The following RSPH9 variants were observed in gnomAD, a reference collection of about 807,000 sequenced individuals.
The protein encoded by RSPH9 is radial spoke head component 9.
RSPH9 carries 27 observed loss-of-function variants against 27.0 expected under a neutral mutation model. That is an observed-to-expected ratio of 1.00 (90% CI 0.74 to 1.38). The LOEUF is 1.38. Among genes scored for constraint, RSPH9 ranks in the 40% most tolerant of loss-of-function variants. RSPH9 has a pLI of 0.00. For synonymous variants in RSPH9, 145 were observed against 147.7 expected (o/e 0.98, Z 0.13); for missense variants, 347 against 357.4 (o/e 0.97, Z 0.24).
At chr6:43,656,275 G>A (rs1375172623) in intron 3 of RSPH9, among the ~76,000 whole-genome samples, 2 of 152,044 alleles carry the variant, frequency 1.3e-5, no homozygotes, top group African/African-American at 2.4e-5. Flanking sequence ...TAGTAGAGAC[G>A]GGGTTTTGCC....
chr6:43,672,501 CT>C lies in RSPH9; in HGVS notation c.*1555del. 2.2e-6 allele frequency: 1 copy of C among 462,668 alleles called. No homozygotes were observed. Among genetic ancestry groups the C allele is most frequent in the South Asian group, 1.6e-5 (1 of 64,204 alleles). 28.7% of individuals were successfully genotyped at this position (462,668 alleles called of 1,614,324 possible). A position where few individuals can be genotyped will look rare whatever the true frequency, so the allele number is the denominator to read the frequency against. On this transcript the variant is annotated 3_prime_UTR_variant, in exon 5 of 5. Coordinates refer to ENST00000372163, the MANE Select transcript of RSPH9 (RefSeq NM_152732.5). ...CTGCCGCCCATGGACCTTTGGCCTC[CT>C]TTGGGGATGGCCAGGGCCCTGATAG... is the stretch of plus-strand genomic sequence containing the variant.
chr6:43,670,426 G>T, intron 4 of RSPH9, among the ~76,000 whole-genome samples: 1 of 152,008 alleles, frequency 6.6e-6, no homozygotes, highest in Non-Finnish European at 1.5e-5. Context: ...ACACAGTGAG[G>T]CCCCATCTCT....
intron 4 of RSPH9, among the ~76,000 whole-genome samples, chr6:43,662,258 T>A (rs1772705363): frequency 6.6e-6 from 1 of 152,236 alleles, no homozygotes; most frequent in South Asian, 2.1e-4. Flanking sequence ...TGAAGAGAGT[T>A]AAGGCCTTGC....
At chr6:43,662,647 G>A (rs964727237) in intron 4 of RSPH9, among the ~76,000 whole-genome samples, 5 of 152,042 alleles carry the variant, frequency 3.3e-5, no homozygotes, top group Admixed American at 6.5e-5. Flanking sequence ...GATTACAGGC[G>A]TGAGCCACCA....
intron 4 of RSPH9, among the ~76,000 whole-genome samples, chr6:43,670,198 C>G (rs148846143): frequency 7.9e-4 from 121 of 152,366 alleles, no homozygotes; most frequent in East Asian, 4.0e-3. Context: ...CCTCCTCCCC[C>G]ACTCAACCTT....
rs1773674621 is a variant in RSPH9, at chr6:43,671,138, T to C, written c.*189T>C. 3.0e-6 allele frequency: 2 copies of C among 669,018 alleles called. No homozygotes were observed. The highest frequency in any genetic ancestry group is 5.1e-6 in the Non-Finnish European group (2 of 391,566). 41.4% of individuals were successfully genotyped at this position (669,018 alleles called of 1,614,324 possible). ...TGGCAGAGGGGTTGGAATGTGCTAA[T>C]GAAAGAGATTCTAGACAACGATGGG... On this transcript the variant is annotated 3_prime_UTR_variant, in exon 5 of 5. Transcript: ENST00000372163.
chr6:43,651,441 G>A lies in RSPH9; in HGVS notation c.393+901G>A, dbSNP rs76743560. On this transcript the variant is annotated intron_variant, in intron 2 of 4. Transcript: ENST00000372163. ...ATTTCACAAAATAATAAATCCGCAT[G>A]TACAAAATTCAAAGGTACAAAAAGG... Among the ~76,000 whole-genome samples the A allele has an allele frequency of 7.0e-3, 1,073 of 152,214 alleles. 8 individuals carry two copies. Among genetic ancestry groups the A allele is most frequent in the African/African-American group, 0.025 (1,023 of 41,528 alleles).
chr6:43,650,258 A>T (rs6915370), intron 1 of RSPH9, 117 bp from the exon 2 acceptor site: 1 of 1,186,646 alleles, frequency 8.4e-7, no homozygotes, highest in African/African-American at 1.5e-5. Flanking sequence ...TTGGGAGGAA[A>T]GGTGGCCATT....
Position 43,645,059 on chromosome 6 carries a change from C to T in RSPH9, c.-40C>T, listed in dbSNP as rs1436686554. ...TCAGGTCTCCATGGAGGCGGCTTCTCCTAGCAACTCGACGGGCGTTGAGCG... is the reference window on the plus strand; with the variant it reads ...TCAGGTCTCCATGGAGGCGGCTTCTTCTAGCAACTCGACGGGCGTTGAGCG... On this transcript the variant is annotated 5_prime_UTR_variant, in exon 1 of 5. Transcript: ENST00000372163. 4 of 1,577,286 alleles carry T rather than the reference C, an allele frequency of 2.5e-6. No homozygotes were observed. The highest frequency in any genetic ancestry group is 3.5e-6 in the Non-Finnish European group (4 of 1,155,268).
chr6:43,667,395 C>T (rs970861842), intron 4 of RSPH9, among the ~76,000 whole-genome samples: 1 of 150,986 alleles, frequency 6.6e-6, no homozygotes, highest in East Asian at 1.9e-4. Flanking sequence ...CAGCAATGCT[C>T]AGTTCAGGCA....
intron 1 of RSPH9, 74 bp from the exon 2 acceptor site, chr6:43,650,301 C>T: frequency 6.4e-7 from 1 of 1,569,632 alleles, no homozygotes; most frequent in East Asian, 2.3e-5. Flanking sequence ...ACCCACTAGA[C>T]AGAAGGGAAG....
At chr6:43,668,167 C>T (rs1773336891) in intron 4 of RSPH9, among the ~76,000 whole-genome samples, 1 of 152,168 alleles carries the variant, frequency 6.6e-6, no homozygotes, top group African/African-American at 2.4e-5. Context: ...GGGGGCTTTT[C>T]CCCGAGTCCT....
At chr6:43,652,407 T>G (rs1479758366) in intron 2 of RSPH9, among the ~76,000 whole-genome samples, 1 of 152,028 alleles carries the variant, frequency 6.6e-6, no homozygotes, top group Admixed American at 6.6e-5. Flanking sequence ...TCTATATCAG[T>G]GTCTTAAAGA....
Position 43,645,316 on chromosome 6 carries a change from C to A in RSPH9, c.218C>A (p.Thr73Lys). The stretch of plus-strand genomic sequence containing the variant: ...GAGGACCAGCTCGCACCGCGCAAGA[C>A]GCTCTATAGGTGAGGAGGCCCCCGG... The part of the protein sequence containing the change: ...LSEDQLAPRK[T>K]LYSLNCTEWS... The change falls in exon 1 of 5, where the codon ACG becomes AAG. Residue 73 changes from threonine (T) to lysine (K), a missense_variant. Transcript: ENST00000372163. 1 of 1,548,798 alleles carries A rather than the reference C, an allele frequency of 6.5e-7. No individual in the cohort carries two copies.
At chr6:43,659,289 C>T (rs1251368815) in intron 4 of RSPH9, among the ~76,000 whole-genome samples, 1 of 148,936 alleles carries the variant, frequency 6.7e-6, no homozygotes, top group African/African-American at 2.5e-5. Context: ...ATGGTGTGAT[C>T]TCGGCTCACT....
At chr6:43,665,710 A>G (rs142210090) in intron 4 of RSPH9, among the ~76,000 whole-genome samples, 1 of 152,138 alleles carries the variant, frequency 6.6e-6, no homozygotes, top group Non-Finnish European at 1.5e-5. Flanking sequence ...TTTCCTGGGC[A>G]TGTGGGCCTC....
intron 4 of RSPH9, among the ~76,000 whole-genome samples, chr6:43,665,680 G>A (rs116146896): frequency 0.013 from 1,959 of 152,298 alleles, 15 homozygotes; most frequent in Non-Finnish European, 0.021. Flanking sequence ...TGGAACCTTG[G>A]AAGCTGAGGA....
Position 43,655,589 on chromosome 6 carries a change from G to A in RSPH9, c.421G>A (p.Val141Met), listed in dbSNP as rs2295947. Residue 141 changes from valine (V) to methionine (M), a missense_variant, in exon 3 of 5, where the codon GTG (valine) becomes ATG (methionine). Coordinates refer to ENST00000372163, the MANE Select transcript of RSPH9 (RefSeq NM_152732.5). ...CCAGATCAAGGAAGAGACCCGCTTG[G>A]TGTCTGTCATTGACCAGATTGACAA... ...VVQIKEETRL[V>M]SVIDQIDKAV... is the part of the protein sequence containing the mutation. 2.8e-4 allele frequency: 453 copies of A among 1,614,182 alleles called. 1 individual carries two copies. The East Asian group carries it at 6.8e-3, about 24-fold the overall frequency.
At chr6:43,661,090 A>G (rs1234666682) in intron 4 of RSPH9, among the ~76,000 whole-genome samples, 1 of 152,200 alleles carries the variant, frequency 6.6e-6, no homozygotes, top group African/African-American at 2.4e-5. Context: ...TTTGAAAGCC[A>G]TCCTTTTCTC....
Sources: allele counts gnomAD v4.1 joint callset (sites outside exome capture counted in the v4.1 genomes callset), GRCh38; gene constraint gnomAD v4.1.1; transcripts MANE v1.5; gene names NCBI Gene and HGNC (gene_info 2026-07-23, HGNC 2026-07-21).